The following ANKRD11 variants were observed in gnomAD, a reference collection of about 807,000 sequenced individuals.
The protein encoded by ANKRD11 is ankyrin repeat domain 11, also known as ankyrin repeat domain-containing protein 11.
A neutral mutation model predicts 195.7 loss-of-function variants in ANKRD11; 17 were observed. The ratio of observed to expected loss-of-function variants is 0.09; its 90% CI spans 0.06 to 0.13. The LOEUF is 0.13. ANKRD11 is among the 10% of genes least tolerant of loss of function. The pLI is 1.00. For missense variants in ANKRD11, 3,735 were observed against 3,566.1 expected, an observed-to-expected ratio of 1.05 and a Z score of -1.21; for synonymous variants, 1,953 against 1,528.1, an observed-to-expected ratio of 1.28 and a Z score of -6.49.
intron 1 of ANKRD11, among the ~76,000 whole-genome samples, chr16:89,440,124 C>T (rs2043383040): frequency 6.6e-6 from 1 of 152,226 alleles, no homozygotes; most frequent in African/African-American, 2.4e-5. Context: ...CACCCGCAAC[C>T]ATTTCCCTGC....
chr16:89,288,692 G>A (rs758021498), intron 6 of ANKRD11, 22 bp from the exon 7 acceptor site: 13 of 1,613,924 alleles, frequency 8.1e-6, no homozygotes, highest in South Asian at 2.2e-5. Context: ...CACTCAGGAC[G>A]TACGTTATTT....
intron 1 of ANKRD11, chr16:89,489,169 C>G (rs1265996385): frequency 6.6e-6 from 1 of 152,116 alleles, no homozygotes; most frequent in African/African-American, 2.4e-5. Flanking sequence ...AGTACAATCC[C>G]TCTTTGAGAG....
At chr16:89,445,273 G>C (rs978201733) in intron 1 of ANKRD11, among the ~76,000 whole-genome samples, 3 of 152,220 alleles carry the variant, frequency 2.0e-5, no homozygotes, top group African/African-American at 7.2e-5. Flanking sequence ...GGAGCAAGCT[G>C]TTTTCTTTAA....
chr16:89,343,089 C>T (rs749059851), intron 2 of ANKRD11, among the ~76,000 whole-genome samples: 3 of 152,112 alleles, frequency 2.0e-5, no homozygotes, highest in Non-Finnish European at 4.4e-5. Context: ...GGTGCGATCT[C>T]GGCTCACTGC....
chr16:89,305,077 G>C (rs1267844894), intron 4 of ANKRD11, 129 bp downstream of exon 4: 7 of 1,404,450 alleles, frequency 5.0e-6, no homozygotes, highest in Non-Finnish European at 6.7e-6. Context: ...CCTCTTGCCT[G>C]GACGGCGTGC....
intron 1 of ANKRD11, among the ~76,000 whole-genome samples, chr16:89,481,388 C>T (rs150132017): frequency 1.7e-3 from 266 of 152,150 alleles, no homozygotes; most frequent in Non-Finnish European, 2.9e-3. Context: ...AGAAACATAG[C>T]GAAACCCCAT....
At chr16:89,486,782 G>A (rs2057628999) in intron 1 of ANKRD11, among the ~76,000 whole-genome samples, 1 of 152,082 alleles carries the variant, frequency 6.6e-6, no homozygotes, top group South Asian at 2.1e-4. Flanking sequence ...GAGGCAGGTG[G>A]ATCACTTGAG....
chr16:89,479,635 C>CA (rs11383887), intron 1 of ANKRD11, among the ~76,000 whole-genome samples: 95,803 of 144,672 alleles, frequency 0.66, 31,770 homozygotes, highest in Middle Eastern at 0.86. Context: ...ACTCCGCCCC[C>CA]AAAAAAAATT....
intron 1 of ANKRD11, chr16:89,489,172 T>C (rs754522567): frequency 6.6e-6 from 1 of 151,824 alleles, no homozygotes; most frequent in Non-Finnish European, 1.5e-5. Context: ...ACAATCCCTC[T>C]TTGAGAGGGG....
intron 1 of ANKRD11, among the ~76,000 whole-genome samples, chr16:89,437,523 A>G (rs2043265483): frequency 6.6e-6 from 1 of 151,880 alleles, no homozygotes; most frequent in African/African-American, 2.4e-5. Context: ...CCAGCATGCC[A>G]CCATCTCCCC....
Position 89,279,485 on chromosome 16 carries a change from G to T in ANKRD11, c.7057C>A (p.Pro2353Thr). The change falls in exon 9 of 13, where the codon CCC (proline) becomes ACC (threonine). Residue 2353 changes from proline to threonine, a missense_variant. Physicochemically the swap from Pro to Thr is conservative, Grantham distance 38 (BLOSUM62 -1). Coordinates refer to ENST00000301030, the MANE Select transcript of ANKRD11 (RefSeq NM_013275.6). The surrounding 1 kb of genome is among the most constrained non-coding windows in gnomAD (Gnocchi z 5.6). The stretch of plus-strand genomic sequence containing the variant: ...GGGGCGCACTCCTTCTCGGAGGGGG[G>T]CGGGCCCTGCTTGCTCTGGTTCGCG... ...MLANQSKQGP[P>T]PSEKECAPTP... 1.5e-6 allele frequency: 2 copies of T among 1,360,296 alleles called. No individual in the cohort carries two copies. The highest frequency in any genetic ancestry group is 2.0e-6 in the Non-Finnish European group (2 of 998,624). The allele number at this position is 1,360,296 out of a possible 1,614,324, so 84.3% of individuals were successfully genotyped here. A position where few individuals can be genotyped will look rare whatever the true frequency, so the allele number is the denominator to read the frequency against.
rs910495344 is a variant in ANKRD11 at position 89,279,821 on chromosome 16, G to A, written c.6721C>T (p.Pro2241Ser). 5.8e-6 allele frequency: 9 copies of A among 1,544,328 alleles called. No homozygotes were observed. Among genetic ancestry groups the A allele is most frequent in the Non-Finnish European group, 7.8e-6 (9 of 1,147,550 alleles). ...ARGDPDSSVE[P>S]APVPPEQRPL... The stretch of plus-strand genomic sequence containing the variant: ...CGCTGTTCTGGGGGAACGGGCGCGG[G>A]CTCCACGCTGGAGTCCGGATCCCCA... The change falls in exon 9 of 13, where the codon CCC (proline) becomes TCC (serine). Residue 2241 changes from proline (P) to serine (S), a missense_variant. Transcript: ENST00000301030. This position sits in a 1 kb window ranked among gnomAD's most constrained non-coding sequence, Gnocchi z 5.6.
chr16:89,346,410 C>T (rs997425443), intron 2 of ANKRD11, among the ~76,000 whole-genome samples: 2 of 152,136 alleles, frequency 1.3e-5, no homozygotes, highest in Non-Finnish European at 2.9e-5. Flanking sequence ...TGGAGCTAAA[C>T]ATATAAAATC....
At chr16:89,412,734 T>TA (rs1389538570) in intron 2 of ANKRD11, among the ~76,000 whole-genome samples, 1 of 152,024 alleles carries the variant, frequency 6.6e-6, no homozygotes, top group Non-Finnish European at 1.5e-5. Flanking sequence ...AAGCCAGCTG[T>TA]AAAAAATGAT....
intron 2 of ANKRD11, among the ~76,000 whole-genome samples, chr16:89,376,217 A>G (rs1218373268): frequency 6.6e-6 from 1 of 152,238 alleles, no homozygotes; most frequent in East Asian, 1.9e-4. Flanking sequence ...GTCTGATTCC[A>G]GAAAAGTGAA....
intron 1 of ANKRD11, among the ~76,000 whole-genome samples, chr16:89,464,493 A>G (rs2152339292): frequency 6.6e-6 from 1 of 150,384 alleles, no homozygotes; most frequent in South Asian, 2.1e-4. Flanking sequence ...CTGTAATCCC[A>G]GCTACTCAGG....
intron 4 of ANKRD11, chr16:89,300,848 T>C (rs1414437974): frequency 4.3e-6 from 3 of 701,728 alleles, no homozygotes; most frequent in African/African-American, 1.7e-5. Context: ...AATCATAATT[T>C]TTCCCCTTGT....
At chr16:89,453,692 A>G (rs2056294946) in intron 1 of ANKRD11, among the ~76,000 whole-genome samples, 1 of 152,260 alleles carries the variant, frequency 6.6e-6, no homozygotes, top group Non-Finnish European at 1.5e-5. Flanking sequence ...CAGGACACTC[A>G]GGACAATGTG....
Position 89,447,178 on chromosome 16 carries a change from A to C in ANKRD11, c.-144-28810T>G, listed in dbSNP as rs139743649. On this transcript the variant is annotated intron_variant, in intron 1 of 12. Transcript: ENST00000301030. ...AACACCAGTGGCCTCCTCACCCCCA[A>C]TGCATATTTGCAACCCATTAGTACC... 5.9e-5 allele frequency among the ~76,000 whole-genome samples: 9 copies of C among 152,040 alleles called. No homozygotes were observed. The East Asian group carries it at 1.7e-3, about 29-fold the overall frequency.
Sources: allele counts gnomAD v4.1 joint callset (sites outside exome capture counted in the v4.1 genomes callset), GRCh38; gene constraint gnomAD v4.1.1; non-coding constraint Gnocchi (gnomAD v3.1); transcripts MANE v1.5; gene names NCBI Gene and HGNC (gene_info 2026-07-23, HGNC 2026-07-21).